The following SATB1 variants were observed in gnomAD, a reference collection of about 807,000 sequenced individuals.
SATB1 encodes the protein DNA-binding protein SATB1.
SATB1 carries 11 observed loss-of-function variants against 86.9 expected under a neutral mutation model. The observed-to-expected ratio is 0.13, with a 90% CI of 0.08 to 0.21. SATB1 has a LOEUF of 0.21. SATB1 is among the 10% of genes least tolerant of loss of function. The pLI, the probability that SATB1 is intolerant of heterozygous loss-of-function variation, is 1.00. For missense variants in SATB1, 551 were observed against 937.6 expected, an observed-to-expected ratio of 0.59 and a Z score of 5.39; for synonymous variants, 357 against 357.2, an observed-to-expected ratio of 1.00 and a Z score of 0.01.
intron 9 of SATB1, among the ~76,000 whole-genome samples, chr3:18,358,104 A>T (rs544823592): frequency 5.9e-5 from 9 of 152,096 alleles, no homozygotes; most frequent in Non-Finnish European, 8.8e-5. Flanking sequence ...AGTGGTATTG[A>T]TCTTTCCAAA....
chr3:18,430,125 T>G (rs1401453074), upstream of SATB1, among the ~76,000 whole-genome samples: 2 of 152,226 alleles, frequency 1.3e-5, no homozygotes, highest in African/African-American at 4.8e-5. Context: ...ATGTGACTAA[T>G]ACTCTAATAG....
In SATB1 at chr3:18,351,984, A is replaced by C. The variant is rs1694386136; in HGVS notation, c.1779+8T>G. ...ATTGCTATACTGAATTGGCCAAAGT[A>C]AACGAACCTGAATCTGCTCTGCTGG... On this transcript the variant is annotated splice_region_variant and intron_variant, in intron 10 of 10. Coordinates refer to ENST00000338745, the MANE Select transcript of SATB1 (RefSeq NM_002971.6). 2.5e-6 allele frequency: 4 copies of C among 1,614,034 alleles called. No homozygotes were observed. The highest frequency in any genetic ancestry group is 3.4e-6 in the Non-Finnish European group (4 of 1,179,994).
intron 5 of SATB1, among the ~76,000 whole-genome samples, chr3:18,397,750 A>C (rs1697038637): frequency 6.6e-6 from 1 of 152,214 alleles, no homozygotes; most frequent in Non-Finnish European, 1.5e-5. Flanking sequence ...TTAGAAATGC[A>C]GAATCTTGGG....
At chr3:18,420,676 G>C in intron 2 of SATB1, 81 bp downstream of exon 2, 1 of 1,100,092 alleles carries the variant, frequency 9.1e-7, no homozygotes, top group Non-Finnish European at 1.4e-6. Flanking sequence ...AACATGTTCT[G>C]CCACTCCACC....
intron 2 of SATB1, among the ~76,000 whole-genome samples, chr3:18,420,091 G>A (rs1016453153): frequency 2.6e-5 from 4 of 152,118 alleles, no homozygotes; most frequent in African/African-American, 9.7e-5. Context: ...CTGCTTTACA[G>A]GAACAACACT....
intron 9 of SATB1, among the ~76,000 whole-genome samples, chr3:18,363,828 A>G (rs1381328014): frequency 6.6e-6 from 1 of 152,188 alleles, no homozygotes; most frequent in East Asian, 1.9e-4. Flanking sequence ...TTCAGGTTTA[A>G]GTTGATACTA....
rs1694256454 is a variant in SATB1 at position 18,349,753 on chromosome 3, G to GA, written c.1780-72dup. 19 of 1,509,610 alleles carry GA rather than the reference G, an allele frequency of 1.3e-5. No homozygotes were observed. Among genetic ancestry groups the GA allele is most frequent in the Non-Finnish European group, 1.7e-5 (19 of 1,130,780 alleles). 93.5% of individuals were successfully genotyped at this position (1,509,610 alleles called of 1,614,324 possible). The stretch of plus-strand genomic sequence containing the variant: ...TCCACACAAAGCCGTCTCCAATCAG[G>GA]AAAAATGTGGTCCCGGATCCTACAT... On this transcript the variant is annotated intron_variant, in intron 10 of 10. Coordinates refer to ENST00000338745, the MANE Select transcript of SATB1 (RefSeq NM_002971.6). This position sits in a 1 kb window ranked among gnomAD's most constrained non-coding sequence, Gnocchi z 5.5.
intron 2 of SATB1, among the ~76,000 whole-genome samples, chr3:18,419,668 T>C (rs769701405): frequency 2.6e-5 from 4 of 152,220 alleles, no homozygotes; most frequent in Non-Finnish European, 5.9e-5. Context: ...TAAATTATAT[T>C]TTTAATGCTC....
At chr3:18,445,195 C>T (rs1373244444) in intron 1 of SATB1, 4 of 980,362 alleles carry the variant, frequency 4.1e-6, no homozygotes, top group East Asian at 2.3e-4. Flanking sequence ...GCCCGCCTCC[C>T]CAGCGCCCGC....
upstream of SATB1, among the ~76,000 whole-genome samples, chr3:18,429,894 A>G (rs904743010): frequency 1.1e-3 from 174 of 152,324 alleles, 1 homozygote; most frequent in East Asian, 1.9e-4. This position sits in a 1 kb window ranked among gnomAD's most constrained non-coding sequence, Gnocchi z 4.1. Context: ...GAATTTATAC[A>G]GTGTCCTTGT....
intron 7 of SATB1, among the ~76,000 whole-genome samples, chr3:18,391,193 A>C (rs1160119357): frequency 6.6e-6 from 1 of 152,100 alleles, no homozygotes; most frequent in Non-Finnish European, 1.5e-5. Flanking sequence ...ATGATAAGAA[A>C]ATTCTCAATA....
chr3:18,425,374 G>C (rs1045979145), upstream of SATB1: 196 of 156,100 alleles, frequency 1.3e-3, no homozygotes, highest in Non-Finnish European at 2.2e-3. Flanking sequence ...GGAGGAGGAG[G>C]GGGGAGGAGA....
At position 18,423,719 on chromosome 3, in the gene SATB1, T is replaced by C. The variant is rs192468043; in HGVS notation, c.-117A>G. 7.0e-6 allele frequency: 1 copy of C among 143,324 alleles called. No homozygotes were observed. The highest frequency in any genetic ancestry group is 7.3e-5 in the Admixed American group (1 of 13,750). 8.9% of individuals were successfully genotyped at this position (143,324 alleles called of 1,614,324 possible). The stretch of plus-strand genomic sequence containing the variant: ...GAAGAGAAGTTCAAGACTGATGTTT[T>C]CTATGTCCTTTTTTTTTTTAATTAA... On this transcript the variant is annotated 5_prime_UTR_variant, in exon 1 of 11. Transcript: ENST00000338745.
At chr3:18,356,498 G>A (rs1238842902) in intron 9 of SATB1, among the ~76,000 whole-genome samples, 1 of 149,836 alleles carries the variant, frequency 6.7e-6, no homozygotes, top group African/African-American at 2.4e-5. Context: ...CAAACTCAAT[G>A]ATAACACAAT....
intron 8 of SATB1, among the ~76,000 whole-genome samples, chr3:18,383,184 A>G (rs985938339): frequency 6.6e-6 from 1 of 152,198 alleles, no homozygotes; most frequent in African/African-American, 2.4e-5. Context: ...AGCACATGGG[A>G]TACCTCTGCA....
At chr3:18,362,401 C>A (rs1005939550) in intron 9 of SATB1, among the ~76,000 whole-genome samples, 1 of 152,010 alleles carries the variant, frequency 6.6e-6, no homozygotes. Flanking sequence ...CAAATTCAAG[C>A]GGCAGCAAAT....
intron 7 of SATB1, among the ~76,000 whole-genome samples, chr3:18,392,944 ACTGC>A (rs1696761118): frequency 6.6e-6 from 1 of 150,728 alleles, no homozygotes; most frequent in African/African-American, 2.4e-5. Context: ...GCCTTGTGCA[ACTGC>A]CTTTTCAAAA....
chr3:18,425,214 T>A lies in SATB1; in HGVS notation c.-1612A>T. 1 of 158,614 alleles carries A rather than the reference T, an allele frequency of 6.3e-6. No homozygotes were observed. The highest frequency in any genetic ancestry group is 1.6e-4 in the South Asian group (1 of 6,140). 9.8% of individuals were successfully genotyped at this position (158,614 alleles called of 1,614,324 possible). A position where few individuals can be genotyped will look rare whatever the true frequency, so the allele number is the denominator to read the frequency against. On this transcript the variant is annotated 5_prime_UTR_variant, in exon 1 of 11. The change abolishes the stop of an existing upstream ORF in the 5' untranslated region. Transcript: ENST00000338745. ...TCCTCCTCCTCATTTTAATACAAAA[T>A]CACCCCGCTCGCAGCCCCAGCCCCG...
In SATB1 at chr3:18,416,973, A is replaced by T; in HGVS notation, c.317T>A (p.Leu106His). The change falls in exon 3 of 11, where the codon CTT becomes CAT. Residue 106 changes from leucine to histidine, a missense_variant. Coordinates refer to ENST00000338745, the MANE Select transcript of SATB1 (RefSeq NM_002971.6). Reference sequence around the variant, plus strand: ...TGCCATTTCGATCAGCTGGTTGAAAAGCATATCCTTTCTCACCAGCACAAA... The same window carrying T: ...TGCCATTTCGATCAGCTGGTTGAAATGCATATCCTTTCTCACCAGCACAAA... ...AEFVLVRKDM[L>H]FNQLIEMALL... 1 of 1,613,672 alleles carries T rather than the reference A, an allele frequency of 6.2e-7. No individual in the cohort carries two copies. The highest frequency in any genetic ancestry group is 1.1e-5 in the South Asian group (1 of 91,050).
Sources: allele counts gnomAD v4.1 joint callset (sites outside exome capture counted in the v4.1 genomes callset), GRCh38; gene constraint gnomAD v4.1.1; non-coding constraint Gnocchi (gnomAD v3.1); transcripts MANE v1.5; gene names NCBI Gene and HGNC (gene_info 2026-07-23, HGNC 2026-07-21).